Variants in PVALB observed in about 807,000 individuals in gnomAD.
PVALB encodes parvalbumin, also known as parvalbumin alpha.
PVALB carries 11 observed loss-of-function variants against 10.9 expected under a neutral mutation model. The observed-to-expected ratio is 1.01, with a 90% CI of 0.63 to 1.67. The LOEUF is 1.67. PVALB is among the 40% of genes most tolerant of loss of function. PVALB has a pLI of 0.00. For synonymous variants in PVALB, 57 were observed against 50.7 expected (o/e 1.12, Z -0.53); for missense variants, 131 against 136.2 (o/e 0.96, Z 0.19).
At chr22:36,810,789 A>G (rs946566376) in intron 3 of PVALB, among the ~76,000 whole-genome samples, 1 of 152,214 alleles carries the variant, frequency 6.6e-6, no homozygotes, top group Non-Finnish European at 1.5e-5. Flanking sequence ...CCCTTTCTGA[A>G]CATACCCAAA....
chr22:36,814,157 G>T (rs972806826), intron 2 of PVALB, among the ~76,000 whole-genome samples: 2 of 152,182 alleles, frequency 1.3e-5, no homozygotes, highest in African/African-American at 2.4e-5. Flanking sequence ...GTGATGGGCC[G>T]TGGAGGAGGG....
upstream of PVALB, chr22:36,819,288 C>T (rs1939201228): frequency 6.6e-6 from 1 of 152,518 alleles, no homozygotes; most frequent in East Asian, 1.9e-4. Flanking sequence ...CTCAGCCCTA[C>T]ATTCCACAGC....
At chr22:36,806,035 TC>T (rs1470378576) in intron 3 of PVALB, among the ~76,000 whole-genome samples, 1 of 152,036 alleles carries the variant, frequency 6.6e-6, no homozygotes, top group Non-Finnish European at 1.5e-5. Flanking sequence ...TGGGACTATC[TC>T]CTTATAGGGT....
chr22:36,803,876 C>T lies in PVALB; in HGVS notation c.305-2958G>A, dbSNP rs368447431. On this transcript the variant is annotated intron_variant, in intron 3 of 3. Transcript: ENST00000417718. ...TGAGGTGTCAGGGTCATGTGGAAAA[C>T]AAGAGGCAGAGCCAGGACTTGGCCT... Among the ~76,000 whole-genome samples, 9 of 152,292 alleles carry T rather than the reference C, an allele frequency of 5.9e-5. No homozygotes were observed. In the East Asian group the frequency reaches 1.5e-3, roughly 26 times the overall value.
At chr22:36,806,493 C>G (rs941817552) in intron 3 of PVALB, among the ~76,000 whole-genome samples, 1 of 152,068 alleles carries the variant, frequency 6.6e-6, no homozygotes, top group Non-Finnish European at 1.5e-5. Context: ...TGGCCCAAAG[C>G]GAAACTGAGC....
At chr22:36,802,601 CACAAAAAAAAA>C (rs1938884020) in intron 3 of PVALB, among the ~76,000 whole-genome samples, 2 of 54,910 alleles carry the variant, frequency 3.6e-5, no homozygotes, top group African/African-American at 1.4e-4. Context: ...CTCCATCTCA[CACAAAAAAAAA>C]AAAAAAAAAA....
At chr22:36,814,127 T>C (rs1359435221) in intron 2 of PVALB, among the ~76,000 whole-genome samples, 1 of 152,118 alleles carries the variant, frequency 6.6e-6, no homozygotes, top group Admixed American at 6.5e-5. Flanking sequence ...GGTCACGGGC[T>C]CCGAGAGAGA....
chr22:36,811,812 C>A (rs1017954639), intron 3 of PVALB, among the ~76,000 whole-genome samples: 2 of 152,090 alleles, frequency 1.3e-5, no homozygotes, highest in Non-Finnish European at 2.9e-5. Flanking sequence ...GAGGGAGGAT[C>A]TGCCAAGCAC....
chr22:36,815,197 C>T lies in PVALB; in HGVS notation c.100G>A (p.Val34Ile), dbSNP rs538517587. The T allele has an allele frequency of 1.2e-5, 19 of 1,614,160 alleles. No homozygotes were observed. The highest frequency in any genetic ancestry group is 2.2e-5 in the South Asian group (2 of 91,078). Reference protein sequence around the residue: ...SFDHKKFFQMVGLKKKSADDV... With the variant: ...SFDHKKFFQMIGLKKKSADDV... ...TCCGCACTCTTTTTCTTCAGGCCGA[C>T]CATTTGGAAGAACTTTTTGTGGTCG... The change falls in exon 2 of 4, where the codon GTC becomes ATC. Residue 34 changes from valine (V) to isoleucine (I), a missense_variant. Transcript: ENST00000417718.
At chr22:36,816,045 T>TGTGTGTGTG (rs1555911588) in intron 1 of PVALB, among the ~76,000 whole-genome samples, 7 of 134,182 alleles carry the variant, frequency 5.2e-5, no homozygotes, top group African/African-American at 2.2e-4. Context: ...ATCATGTATT[T>TGTGTGTGTG]TGTGTGTGTG....
rs535685267 is a variant in PVALB, at chr22:36,803,673, G to GTGGATGGA, written c.305-2763_305-2756dup. On this transcript the variant is annotated intron_variant, in intron 3 of 3. Coordinates refer to ENST00000417718, the MANE Select transcript of PVALB (RefSeq NM_001315532.2). ...GATGAATGGATGGATGGGTGGGTGG[G>GTGGATGGA]TGGATGGATGGATGGATGGATGGAT... 8.7e-3 allele frequency among the ~76,000 whole-genome samples: 1,048 copies of GTGGATGGA among 119,916 alleles called. 11 individuals are homozygous for GTGGATGGA. The highest frequency in any genetic ancestry group is 0.035 in the East Asian group (132 of 3,788). 78.7% of individuals were successfully genotyped at this position (119,916 alleles called of 152,430 possible).
At chr22:36,815,040 T>G in intron 2 of PVALB, 63 bp downstream of exon 2, 1 of 1,594,262 alleles carries the variant, frequency 6.3e-7, no homozygotes, top group Non-Finnish European at 8.6e-7. Flanking sequence ...GAAGCTAGAG[T>G]CCCAGCCCCC....
intron 3 of PVALB, among the ~76,000 whole-genome samples, chr22:36,812,638 C>T (rs1283821253): frequency 3.1e-5 from 4 of 127,344 alleles, no homozygotes; most frequent in African/African-American, 1.2e-4. Context: ...TCACACAGCT[C>T]GAAAGTGGTA....
At chr22:36,816,910 G>A (rs374973421) in intron 1 of PVALB, 35 bp downstream of exon 1, 8 of 1,570,258 alleles carry the variant, frequency 5.1e-6, no homozygotes, top group Non-Finnish European at 6.1e-6. Flanking sequence ...GGTGGACGAG[G>A]GGAGAGGGAT....
intron 1 of PVALB, 69 bp downstream of exon 1, chr22:36,816,876 C>G: frequency 7.3e-7 from 1 of 1,369,418 alleles, no homozygotes; most frequent in South Asian, 1.3e-5. Flanking sequence ...GGCTGCGGGG[C>G]CGGCGGAGTG....
chr22:36,814,302 T>C lies in PVALB; in HGVS notation c.195-547A>G, dbSNP rs1045840476. Among the ~76,000 whole-genome samples the C allele has an allele frequency of 5.1e-3, 747 of 146,182 alleles. 7 individuals are homozygous for C. The highest frequency in any genetic ancestry group is 0.015 in the African/African-American group (589 of 39,914). The stretch of plus-strand genomic sequence containing the variant: ...GTGTGTGTGTGTGTGTGTGTGTGTG[T>C]GTGCATAAGTGTGCATGCATGTTGG... On this transcript the variant is annotated intron_variant, in intron 2 of 3. Transcript: ENST00000417718.
At chr22:36,812,485 C>A (rs1439922841) in intron 3 of PVALB, among the ~76,000 whole-genome samples, 1 of 152,244 alleles carries the variant, frequency 6.6e-6, no homozygotes, top group Non-Finnish European at 1.5e-5. Flanking sequence ...ACATATATAA[C>A]ATTTACTCTG....
At chr22:36,803,827 A>G (rs1938910502) in intron 3 of PVALB, among the ~76,000 whole-genome samples, 1 of 152,140 alleles carries the variant, frequency 6.6e-6, no homozygotes, top group African/African-American at 2.4e-5. Flanking sequence ...AATTTTATAG[A>G]TGGGGAAATG....
At chr22:36,814,268 AGTGTGTGT>A (rs36215449) in intron 2 of PVALB, among the ~76,000 whole-genome samples, 4,149 of 148,020 alleles carry the variant, frequency 0.028, 79 homozygotes, top group Middle Eastern at 0.051. Flanking sequence ...AGCCTCTGTG[AGTGTGTGT>A]GTGTGTGTGT....
Sources: allele counts gnomAD v4.1 joint callset (sites outside exome capture counted in the v4.1 genomes callset), GRCh38; gene constraint gnomAD v4.1.1; transcripts MANE v1.5; gene names NCBI Gene and HGNC (gene_info 2026-07-23, HGNC 2026-07-21).